MOB3B: variants seen among roughly 807,000 people sequenced by gnomAD.
MOB3B encodes the protein MOB kinase activator-like 2B.
Under a neutral mutation model 18.7 loss-of-function variants are expected in MOB3B, and 7 were observed. The observed-to-expected ratio is 0.37, with a 90% confidence interval of 0.21 to 0.70. MOB3B has a LOEUF of 0.70. Ranked by LOEUF, MOB3B falls within the 30% of genes least tolerant of loss-of-function variation. The probability of loss-of-function intolerance (pLI) is 0.52; values close to 1 mark genes in which losing one functional copy is unlikely to be tolerated. For missense variants in MOB3B, 253 were observed against 281.3 expected, an observed-to-expected ratio of 0.90 and a Z score of 0.72; for synonymous variants, 111 against 99.9, an observed-to-expected ratio of 1.11 and a Z score of -0.66.
intron 2 of MOB3B, among the ~76,000 whole-genome samples, chr9:27,387,002 G>A (rs963553734): frequency 2.6e-5 from 4 of 152,182 alleles, no homozygotes; most frequent in African/African-American, 9.6e-5. Flanking sequence ...TCTGGAAATA[G>A]CAGCAAAATG....
At chr9:27,462,829 T>C (rs1015281583) in intron 1 of MOB3B, among the ~76,000 whole-genome samples, 7 of 152,300 alleles carry the variant, frequency 4.6e-5, no homozygotes, top group Admixed American at 2.6e-4. Context: ...TCTGGAACCA[T>C]TGCAAAAGAT....
At chr9:27,467,022 C>T (rs1819394661) in intron 1 of MOB3B, among the ~76,000 whole-genome samples, 1 of 152,216 alleles carries the variant, frequency 6.6e-6, no homozygotes, top group South Asian at 2.1e-4. Context: ...CATTTTTCTA[C>T]ATGAAAAACA....
At chr9:27,379,417 TG>T (rs971115892) in intron 2 of MOB3B, among the ~76,000 whole-genome samples, 3 of 152,174 alleles carry the variant, frequency 2.0e-5, no homozygotes, top group Non-Finnish European at 4.4e-5. Flanking sequence ...CGATAATTAC[TG>T]AGGGTTTACT....
intron 1 of MOB3B, among the ~76,000 whole-genome samples, chr9:27,463,986 G>A (rs1819336057): frequency 6.6e-6 from 1 of 152,032 alleles, no homozygotes; most frequent in Non-Finnish European, 1.5e-5. Context: ...AAAATAATAA[G>A]GATAACGGTT....
At chr9:27,467,229 G>A (rs1024146180) in intron 1 of MOB3B, among the ~76,000 whole-genome samples, 2 of 152,200 alleles carry the variant, frequency 1.3e-5, no homozygotes, top group Admixed American at 6.5e-5. Flanking sequence ...AAAGATGCAG[G>A]TCTGAGTCCA....
chr9:27,524,459 C>G (rs201531784), intron 1 of MOB3B: 7 of 1,614,104 alleles, frequency 4.3e-6, no homozygotes, highest in Non-Finnish European at 5.1e-6. Context: ...GAAGAGTCAC[C>G]TGGCAAAATC....
In MOB3B at chr9:27,337,524, A is replaced by G. The variant is rs566304106; in HGVS notation, c.622-6908T>C. Among the ~76,000 whole-genome samples, 48 of 152,244 alleles carry G rather than the reference A, an allele frequency of 3.2e-4. 1 individual carries two copies. Among genetic ancestry groups the G allele is most frequent in the African/African-American group, 1.1e-3 (47 of 41,532 alleles). Reference sequence around the variant, plus strand: ...CCCTCAGGCCACATTTCCACACTCAATGTTACACCAACATTTTGCTATTTC... The same window carrying G: ...CCCTCAGGCCACATTTCCACACTCAGTGTTACACCAACATTTTGCTATTTC... On this transcript the variant is annotated intron_variant, in intron 3 of 3. Transcript: ENST00000262244.
At chr9:27,416,570 T>TTTTTTTTTTG (rs1822152493) in intron 2 of MOB3B, among the ~76,000 whole-genome samples, 1 of 102,988 alleles carries the variant, frequency 9.7e-6, no homozygotes, top group African/African-American at 3.5e-5. Flanking sequence ...TTTTTTTTTT[T>TTTTTTTTTTG]GAGATAGGGT....
At chr9:27,439,197 G>A (rs1027851504) in intron 2 of MOB3B, among the ~76,000 whole-genome samples, 1 of 152,102 alleles carries the variant, frequency 6.6e-6, no homozygotes, top group African/African-American at 2.4e-5. Flanking sequence ...AACAGACTGA[G>A]GAGTAAAGAG....
chr9:27,453,667 A>G (rs949555604), intron 2 of MOB3B, among the ~76,000 whole-genome samples: 6 of 152,202 alleles, frequency 3.9e-5, no homozygotes, highest in African/African-American at 1.2e-4. Context: ...AGGAGTATGC[A>G]GAATTCAAAG....
At chr9:27,446,680 A>T (rs994057796) in intron 2 of MOB3B, among the ~76,000 whole-genome samples, 6 of 152,214 alleles carry the variant, frequency 3.9e-5, no homozygotes, top group Non-Finnish European at 8.8e-5. Context: ...TTTAAAGCTT[A>T]CTGCTCTATG....
At chr9:27,472,164 G>C (rs912015846) in intron 1 of MOB3B, among the ~76,000 whole-genome samples, 1 of 151,698 alleles carries the variant, frequency 6.6e-6, no homozygotes, top group African/African-American at 2.4e-5. Flanking sequence ...TCATTTAGGG[G>C]AGTTGTTTTG....
chr9:27,330,705 C>G, intron 3 of MOB3B, 89 bp from the exon 4 acceptor site: 1 of 1,563,062 alleles, frequency 6.4e-7, no homozygotes, highest in Non-Finnish European at 8.7e-7. Flanking sequence ...CTTGGAATCT[C>G]GAGAGCCTGT....
At chr9:27,491,082 A>T (rs1390730924) in intron 1 of MOB3B, among the ~76,000 whole-genome samples, 2 of 152,206 alleles carry the variant, frequency 1.3e-5, no homozygotes, top group African/African-American at 4.8e-5. Context: ...TCATACTTTA[A>T]AAAAATCCTC....
chr9:27,434,815 A>G (rs1822473058), intron 2 of MOB3B, among the ~76,000 whole-genome samples: 1 of 151,916 alleles, frequency 6.6e-6, no homozygotes, highest in African/African-American at 2.4e-5. Flanking sequence ...GGCTCTCATC[A>G]TCTCTTATCT....
chr9:27,393,435 G>A (rs575881653), intron 2 of MOB3B, among the ~76,000 whole-genome samples: 16 of 152,000 alleles, frequency 1.1e-4, no homozygotes, highest in East Asian at 3.9e-4. Context: ...AGTGGAGGAT[G>A]AGGAGGTAGT....
chr9:27,417,236 C>A (rs901222329), intron 2 of MOB3B, among the ~76,000 whole-genome samples: 1 of 152,064 alleles, frequency 6.6e-6, no homozygotes, highest in Non-Finnish European at 1.5e-5. Flanking sequence ...TGGTGGCGGG[C>A]ACCTGTAGTC....
intron 1 of MOB3B, among the ~76,000 whole-genome samples, chr9:27,480,368 CG>C (rs1343052223): frequency 3.3e-5 from 5 of 151,236 alleles, no homozygotes; most frequent in African/African-American, 1.2e-4. Context: ...GACGCGATCT[CG>C]GCTCACTGCA....
intron 2 of MOB3B, among the ~76,000 whole-genome samples, chr9:27,444,128 A>G (rs1056466368): frequency 1.3e-5 from 2 of 150,740 alleles, no homozygotes; most frequent in Non-Finnish European, 3.0e-5. Context: ...AAAAGAAAGA[A>G]AGAGAGAGAG....
Sources: allele counts gnomAD v4.1 joint callset (sites outside exome capture counted in the v4.1 genomes callset), GRCh38; gene constraint gnomAD v4.1.1; transcripts MANE v1.5; gene names NCBI Gene and HGNC (gene_info 2026-07-23, HGNC 2026-07-21).